ERG: variants seen among roughly 807,000 people sequenced by gnomAD.
ERG encodes the protein transcriptional regulator ERG.
In ERG, 9 loss-of-function variants were observed where a neutral mutation model predicts 55.3. The observed-to-expected ratio is 0.16, with a 90% CI of 0.10 to 0.28. The LOEUF (loss-of-function observed/expected upper bound fraction) is 0.28. Ranked by LOEUF, ERG falls within the 10% of genes least tolerant of loss-of-function variation. The probability of loss-of-function intolerance (pLI) is 1.00; values close to 1 mark genes in which losing one functional copy is unlikely to be tolerated. For missense variants in ERG, 434 were observed against 631.6 expected (o/e 0.69, Z 3.35); for synonymous variants, 223 against 237.3 (o/e 0.94, Z 0.55).
intron 1 of ERG, among the ~76,000 whole-genome samples, chr21:38,481,458 A>T (rs1386331078): frequency 1.3e-5 from 2 of 152,248 alleles, no homozygotes; most frequent in African/African-American, 2.4e-5. Flanking sequence ...TTACATTTTC[A>T]TTGGCCTATA....
upstream of ERG, among the ~76,000 whole-genome samples, chr21:38,589,586 G>A (rs914582745): frequency 2.6e-5 from 4 of 152,170 alleles, no homozygotes; most frequent in Non-Finnish European, 5.9e-5. Context: ...TCGGGGAAGC[G>A]AGCTAGAGGA....
chr21:38,561,959 T>C (rs1478641225), intron 2 of ERG, among the ~76,000 whole-genome samples: 1 of 152,232 alleles, frequency 6.6e-6, no homozygotes, highest in African/African-American at 2.4e-5. Context: ...ACCAGAATTT[T>C]GGAATTTGAT....
intron 2 of ERG, among the ~76,000 whole-genome samples, chr21:38,528,381 A>G (rs2059645449): frequency 6.7e-6 from 1 of 148,992 alleles, no homozygotes; most frequent in East Asian, 2.0e-4. Context: ...TACTGACACG[A>G]TTCAACCCAT....
chr21:38,535,343 T>C (rs1601202569), intron 2 of ERG, among the ~76,000 whole-genome samples: 2 of 152,184 alleles, frequency 1.3e-5, no homozygotes, highest in African/African-American at 4.8e-5. Context: ...TTCCAGAGAT[T>C]TGCTGCACCA....
At chr21:38,486,620 C>CA (rs899967342) in intron 1 of ERG, among the ~76,000 whole-genome samples, 1 of 151,710 alleles carries the variant, frequency 6.6e-6, no homozygotes, top group East Asian at 1.9e-4. Flanking sequence ...TTGATTACTT[C>CA]AAAAAAACAA....
downstream of ERG, among the ~76,000 whole-genome samples, chr21:38,377,479 G>C (rs1987274558): frequency 6.6e-6 from 1 of 152,198 alleles, no homozygotes; most frequent in South Asian, 2.1e-4. Context: ...GGTTGGGCAA[G>C]TTACACATCC....
intron 3 of ERG, among the ~76,000 whole-genome samples, chr21:38,421,176 A>C (rs1569084427): frequency 6.6e-6 from 1 of 152,204 alleles, no homozygotes; most frequent in Non-Finnish European, 1.5e-5. Flanking sequence ...CAAGTGAGGC[A>C]GTCTCAGGCA....
At chr21:38,490,293 T>G (rs1002927777) in intron 1 of ERG, among the ~76,000 whole-genome samples, 1 of 152,200 alleles carries the variant, frequency 6.6e-6, no homozygotes, top group Admixed American at 6.5e-5. Context: ...ATAGATTCCC[T>G]GATTTTAGTC....
chr21:38,523,040 GA>G (rs1212671552), intron 2 of ERG, among the ~76,000 whole-genome samples: 1 of 152,184 alleles, frequency 6.6e-6, no homozygotes, highest in Non-Finnish European at 1.5e-5. Context: ...CTCAGACTCT[GA>G]AAAATGGTTT....
At chr21:38,553,496 ATGGAC>A (rs1463354187) in intron 2 of ERG, among the ~76,000 whole-genome samples, 3 of 152,156 alleles carry the variant, frequency 2.0e-5, no homozygotes, top group Non-Finnish European at 4.4e-5. Flanking sequence ...ACATAAACCA[ATGGAC>A]TAGATTAGAG....
chr21:38,638,245 G>A (rs1332116453), intron 1 of ERG, among the ~76,000 whole-genome samples: 1 of 152,192 alleles, frequency 6.6e-6, no homozygotes, highest in Non-Finnish European at 1.5e-5. Context: ...GGGAATAACA[G>A]AGCCCCTCCC....
chr21:38,577,258 T>A (rs2060000270), intron 1 of ERG, among the ~76,000 whole-genome samples: 1 of 152,058 alleles, frequency 6.6e-6, no homozygotes, highest in African/African-American at 2.4e-5. Flanking sequence ...GCACACCCAT[T>A]CCAACCCAAT....
Position 38,455,868 on chromosome 21 carries a change from T to TC in ERG, c.19-10248dup, listed in dbSNP as rs200521885. Among the ~76,000 whole-genome samples, 1,217 of 129,786 alleles carry TC rather than the reference T, an allele frequency of 9.4e-3. 53 individuals carry two copies. Among genetic ancestry groups the TC allele is most frequent in the South Asian group, 0.026 (94 of 3,558 alleles). The allele number at this position is 129,786 out of a possible 152,430, so 85.1% of individuals were successfully genotyped here. A position where few individuals can be genotyped will look rare whatever the true frequency, so the allele number is the denominator to read the frequency against. On this transcript the variant is annotated intron_variant, in intron 1 of 9. Transcript: ENST00000288319. ...TTAATTTTTTAAATAATTGGTACGG[T>TC]CCCCCCCCTCCCCACAGACAGGTGT...
chr21:38,457,178 TG>T (rs2058997836), intron 1 of ERG, among the ~76,000 whole-genome samples: 3 of 152,226 alleles, frequency 2.0e-5, no homozygotes, highest in African/African-American at 7.2e-5. Context: ...GGCTCACACC[TG>T]TAATCCCAGC....
At chr21:38,402,105 GA>G (rs1988522830) in intron 5 of ERG, among the ~76,000 whole-genome samples, 1 of 152,082 alleles carries the variant, frequency 6.6e-6, no homozygotes, top group Admixed American at 6.5e-5. Flanking sequence ...AAGTTTATTG[GA>G]AAGGAAAAAG....
At chr21:38,518,236 GTATCTATCTATC>G (rs71330332) in intron 2 of ERG, among the ~76,000 whole-genome samples, 7,917 of 145,414 alleles carry the variant, frequency 0.054, 376 homozygotes, top group African/African-American at 0.13. Context: ...GTGTGTGTGT[GTATCTATCTATC>G]TATCTATCTA....
downstream of ERG, among the ~76,000 whole-genome samples, chr21:38,378,628 C>T (rs1159008783): frequency 6.6e-6 from 1 of 152,166 alleles, no homozygotes; most frequent in African/African-American, 2.4e-5. Flanking sequence ...CTCTCATTCC[C>T]CTTGTCTCTC....
At chr21:38,425,612 C>T (rs1046329306) in intron 2 of ERG, among the ~76,000 whole-genome samples, 2 of 152,176 alleles carry the variant, frequency 1.3e-5, no homozygotes, top group Non-Finnish European at 2.9e-5. Flanking sequence ...CTATCCAATG[C>T]ATACATTTTT....
intron 2 of ERG, among the ~76,000 whole-genome samples, chr21:38,427,204 A>C (rs62217913): frequency 0.37 from 56,317 of 151,864 alleles, 11,114 homozygotes; most frequent in Middle Eastern, 0.46. Context: ...CCTCCCAAGT[A>C]GCTGGCATTA....
Sources: allele counts gnomAD v4.1 joint callset (sites outside exome capture counted in the v4.1 genomes callset), GRCh38; gene constraint gnomAD v4.1.1; transcripts MANE v1.5; gene names NCBI Gene and HGNC (gene_info 2026-07-23, HGNC 2026-07-21).